The following REST variants were observed in gnomAD, a reference collection of about 807,000 sequenced individuals.
REST encodes the protein RE1 silencing transcription factor.
A neutral mutation model predicts 30.4 loss-of-function variants in REST; 1 was observed. The observed-to-expected ratio is 0.03, with a 90% CI of 0.01 to 0.16. REST has a LOEUF of 0.16. Ranked by LOEUF, REST falls within the 10% of genes least tolerant of loss-of-function variation. The pLI is 1.00. For missense variants in REST, 1,259 were observed against 1,329.5 expected (o/e 0.95, Z 0.82); for synonymous variants, 504 against 451.1 (o/e 1.12, Z -1.49).
rs773073831 is a variant in REST at position 56,931,775 on chromosome 4, A to G, written c.2917A>G (p.Met973Val). The G allele has an allele frequency of 1.2e-5, 19 of 1,614,062 alleles. No individual in the cohort carries two copies. Among genetic ancestry groups the G allele is most frequent in the South Asian group, 2.2e-5 (2 of 91,090 alleles). The change falls in exon 4 of 4, where the codon ATG becomes GTG. Residue 973 changes from methionine to valine, a missense_variant. By Grantham distance (21) the Met-to-Val change is conservative (BLOSUM62 1). Around this residue, in one of 5 missense-constraint regions of REST, gnomAD observed 856 missense variants for 772.8 expected, o/e 1.11. Coordinates refer to ENST00000309042, the MANE Select transcript of REST (RefSeq NM_005612.5). Reference protein sequence around the residue: ...NSTVEEPVSPMLPPSAVEERE... With the variant: ...NSTVEEPVSPVLPPSAVEERE... The stretch of plus-strand genomic sequence containing the variant: ...AACAGTTGAAGAACCAGTTTCACCA[A>G]TGCTTCCCCCTTCAGCAGTAGAAGA...
At chr4:56,919,348 AATGG>A (rs1185272477) in intron 2 of REST, among the ~76,000 whole-genome samples, 1 of 152,186 alleles carries the variant, frequency 6.6e-6, no homozygotes, top group East Asian at 1.9e-4. Context: ...AACACTTTCA[AATGG>A]TAGTAGATTC....
chr4:56,912,888 T>G (rs938460466), intron 2 of REST, among the ~76,000 whole-genome samples: 1 of 151,900 alleles, frequency 6.6e-6, no homozygotes. Context: ...TCAGGTGATC[T>G]ACCCACTTTG....
At chr4:56,915,232 G>T (rs1472767172) in intron 2 of REST, among the ~76,000 whole-genome samples, 1 of 120,758 alleles carries the variant, frequency 8.3e-6, no homozygotes, top group Non-Finnish European at 1.7e-5. Flanking sequence ...GTGTGTGTGT[G>T]TGTGTGTATT....
intron 3 of REST, 125 bp downstream of exon 3, chr4:56,919,995 T>C (rs1720374361): frequency 2.2e-6 from 1 of 446,356 alleles, no homozygotes. Flanking sequence ...AAGTCAGAAT[T>C]TAAAAATCAG....
In REST at chr4:56,911,052, A is replaced by G. The variant is rs1229995409; in HGVS notation, c.414A>G (p.Lys138=). 4 of 1,614,020 alleles carry G rather than the reference A, an allele frequency of 2.5e-6. No individual in the cohort carries two copies. Among genetic ancestry groups the G allele is most frequent in the Non-Finnish European group, 3.4e-6 (4 of 1,180,022 alleles). Residue 138 remains lysine, a synonymous_variant, in exon 2 of 4, where the codon AAA becomes AAG. Transcript: ENST00000309042. The part of the protein sequence containing the change: ...SGAPDIYSSN[K]DLPPETPGAE... ...CTCCAGATATTTACAGTTCAAATAA[A>G]GATCTTCCCCCTGAAACACCTGGAG... is the stretch of plus-strand genomic sequence containing the variant.
At chr4:56,922,247 A>G (rs1053159585) in intron 3 of REST, 4 of 150,176 alleles carry the variant, frequency 2.7e-5, no homozygotes, top group African/African-American at 9.8e-5. Context: ...TAGTTGTACT[A>G]GCTTTTTAGT....
chr4:56,935,754 T>C lies in REST; in HGVS notation c.*3602T>C, dbSNP rs1169377007. 6.6e-6 allele frequency: 1 copy of C among 152,194 alleles called. No individual in the cohort carries two copies. 9.4% of individuals were successfully genotyped at this position (152,194 alleles called of 1,614,324 possible). A position where few individuals can be genotyped will look rare whatever the true frequency, so the allele number is the denominator to read the frequency against. On this transcript the variant is annotated 3_prime_UTR_variant, in exon 4 of 4. Coordinates refer to ENST00000309042, the MANE Select transcript of REST (RefSeq NM_005612.5). ...TACCAAGTTTTTGGTCCAAATTATG[T>C]AGGATAAGTTAAACTTAAATTGCAT...
intron 2 of REST, among the ~76,000 whole-genome samples, chr4:56,913,731 C>CTCCA (rs1159825087): frequency 6.6e-6 from 1 of 152,168 alleles, no homozygotes; most frequent in East Asian, 1.9e-4. Flanking sequence ...TCACTACAAC[C>CTCCA]TCCACCTCCC....
chr4:56,914,421 G>T (rs959583673), intron 2 of REST, among the ~76,000 whole-genome samples: 2 of 152,112 alleles, frequency 1.3e-5, no homozygotes, highest in Non-Finnish European at 2.9e-5. Context: ...TCCAGTAAAA[G>T]AATTTGTAGT....
At position 56,933,807 on chromosome 4, in the gene REST, G is replaced by C. The variant is rs1173660386; in HGVS notation, c.*1655G>C. The C allele has an allele frequency of 2.0e-5, 3 of 152,200 alleles. No homozygotes were observed. The highest frequency in any genetic ancestry group is 7.2e-5 in the African/African-American group (3 of 41,456). 9.4% of individuals were successfully genotyped at this position (152,200 alleles called of 1,614,324 possible). On this transcript the variant is annotated 3_prime_UTR_variant, in exon 4 of 4. Transcript: ENST00000309042. ...AAATATGATCCCATTAGGGAATCTTGAATTCTGACCTCCCATACTCCGTTT... is the reference window on the plus strand; with the variant it reads ...AAATATGATCCCATTAGGGAATCTTCAATTCTGACCTCCCATACTCCGTTT...
chr4:56,915,243 T>A (rs1395713552), intron 2 of REST, among the ~76,000 whole-genome samples: 3 of 129,590 alleles, frequency 2.3e-5, no homozygotes, highest in East Asian at 2.2e-4. Context: ...TGTGTGTATT[T>A]TTTTTTTTTT....
In REST at chr4:56,911,079, G is replaced by A. The variant is rs546925491; in HGVS notation, c.441G>A (p.Ala147=). 5 of 1,614,176 alleles carry A rather than the reference G, an allele frequency of 3.1e-6. No individual in the cohort carries two copies. The highest frequency in any genetic ancestry group is 4.5e-5 in the East Asian group (2 of 44,888). The change falls in exon 2 of 4, where the codon GCG becomes GCA. Residue 147 remains alanine (A), a synonymous_variant. Coordinates refer to ENST00000309042, the MANE Select transcript of REST (RefSeq NM_005612.5). ...NKDLPPETPG[A]EDKGKSSKTK... ...ATCTTCCCCCTGAAACACCTGGAGC[G>A]GAGGACAAAGGCAAGAGCTCGAAGA... is the stretch of plus-strand genomic sequence containing the variant.
rs1016126110 is a variant in REST, at chr4:56,932,535, A to G, written c.*383A>G. The G allele has an allele frequency of 6.3e-6, 1 of 158,308 alleles. No individual in the cohort carries two copies. The highest frequency in any genetic ancestry group is 2.4e-5 in the African/African-American group (1 of 41,620). The allele number at this position is 158,308 out of a possible 1,614,324, so 9.8% of individuals were successfully genotyped here. The stretch of plus-strand genomic sequence containing the variant: ...GATCTATAAAAAATTGGCTTACTTA[A>G]TAGCAAATTACTTGAAGAATTTGCC... On this transcript the variant is annotated 3_prime_UTR_variant, in exon 4 of 4. Coordinates refer to ENST00000309042, the MANE Select transcript of REST (RefSeq NM_005612.5).
Position 56,931,265 on chromosome 4 carries a change from C to T in REST, c.2407C>T (p.Pro803Ser), listed in dbSNP as rs895101219. The change falls in exon 4 of 4, where the codon CCT becomes TCT. Residue 803 changes from proline (P) to serine (S), a missense_variant. Physicochemically the swap from Pro to Ser is moderately conservative, Grantham distance 74. This residue lies in a region of REST where 856 missense variants were observed against 772.8 expected (regional missense o/e 1.11). Coordinates refer to ENST00000309042, the MANE Select transcript of REST (RefSeq NM_005612.5). ...AQREPPPPRE[P>S]PLHMEPISKK... ...GAGGGAGCCACCTCCTCCCAGAGAG[C>T]CTCCCCTTCACATGGAGCCAATTTC... 6 of 1,614,114 alleles carry T rather than the reference C, an allele frequency of 3.7e-6. No homozygotes were observed. In the African/African-American group the frequency reaches 6.7e-5, roughly 18 times the overall value.
chr4:56,920,969 G>A (rs751774007), intron 3 of REST, among the ~76,000 whole-genome samples: 9 of 151,938 alleles, frequency 5.9e-5, no homozygotes, highest in Non-Finnish European at 1.0e-4. Context: ...AGGTTCAAGC[G>A]ATTCTCCTGC....
chr4:56,932,434 C>G lies in REST; in HGVS notation c.*282C>G. 1 of 267,244 alleles carries G rather than the reference C, an allele frequency of 3.7e-6. No homozygotes were observed. The allele number at this position is 267,244 out of a possible 1,614,324, so 16.6% of individuals were successfully genotyped here. A position where few individuals can be genotyped will look rare whatever the true frequency, so the allele number is the denominator to read the frequency against. On this transcript the variant is annotated 3_prime_UTR_variant, in exon 4 of 4. Transcript: ENST00000309042. ...TATAACAGCATTTTATTGCTTTGTC[C>G]AGCTACAACTTGTCATTTTTTTCTC...
At chr4:56,928,469 A>G (rs1318635359) in intron 3 of REST, among the ~76,000 whole-genome samples, 4 of 151,202 alleles carry the variant, frequency 2.6e-5, no homozygotes, top group Non-Finnish European at 4.4e-5. Context: ...AGGTTGGAGT[A>G]CAGTAACACA....
chr4:56,924,883 C>T (rs778318763), intron 3 of REST, among the ~76,000 whole-genome samples: 6 of 152,046 alleles, frequency 3.9e-5, no homozygotes, highest in East Asian at 1.9e-4. Flanking sequence ...TTTTCTTTGC[C>T]GGCTATGCAC....
rs777224078 is a variant in REST, at chr4:56,932,053, T to C, written c.3195T>C (p.Cys1065=). 1 of 1,614,186 alleles carries C rather than the reference T, an allele frequency of 6.2e-7. No individual in the cohort carries two copies. The highest frequency in any genetic ancestry group is 1.1e-5 in the South Asian group (1 of 91,090). Residue 1065 remains cysteine (C), a synonymous_variant, in exon 4 of 4, where the codon TGT becomes TGC. Transcript: ENST00000309042. ...AAKGDFVCIF[C]DRSFRKGKDY... ...AGGGAGATTTTGTTTGTATCTTCTG[T>C]GATCGTTCTTTCAGAAAGGGAAAAG...
Sources: gnomAD v4.1 joint callset for allele counts (sites outside exome capture counted in the v4.1 genomes callset) on GRCh38, gnomAD v4.1.1 for gene constraint, gnomAD v4.1.1 regional missense constraint, MANE v1.5 for transcripts, NCBI Gene and HGNC (gene_info 2026-07-23, HGNC 2026-07-21) for gene names.